RAPGEF5: variants seen among roughly 807,000 people sequenced by gnomAD.
The protein encoded by RAPGEF5 is M-Ras-regulated GEF.
A neutral mutation model predicts 125.2 loss-of-function variants in RAPGEF5; 65 were observed. The ratio of observed to expected loss-of-function variants is 0.52; its 90% confidence interval spans 0.43 to 0.64. The LOEUF is 0.64. Among genes scored for constraint, RAPGEF5 ranks in the 30% least tolerant of loss-of-function variants. The probability of loss-of-function intolerance (pLI) is 0.00; values close to 1 mark genes in which losing one functional copy is unlikely to be tolerated. For synonymous variants in RAPGEF5, 391 were observed against 385.9 expected, an observed-to-expected ratio of 1.01 and a Z score of -0.16; for missense variants, 958 against 1,048.1, an observed-to-expected ratio of 0.91 and a Z score of 1.19.
chr7:22,230,699 T>A (rs1016330796), intron 8 of RAPGEF5, 147 bp downstream of exon 8: 41 of 687,062 alleles, frequency 6.0e-5, no homozygotes, highest in Non-Finnish European at 9.8e-5. Context: ...AATACCTTTA[T>A]ATCAAAACTG....
At chr7:22,309,907 T>C (rs1334535416) in intron 4 of RAPGEF5, 62 bp downstream of exon 4, 1 of 1,472,774 alleles carries the variant, frequency 6.8e-7, no homozygotes, top group South Asian at 1.4e-5. Flanking sequence ...GAAAATCAAG[T>C]GTATTTTCAT....
intron 7 of RAPGEF5, among the ~76,000 whole-genome samples, chr7:22,241,283 C>T (rs573179769): frequency 1.8e-4 from 27 of 152,200 alleles, no homozygotes; most frequent in African/African-American, 6.5e-4. Context: ...GCCAAATCTT[C>T]CCAGTAGACA....
chr7:22,346,945 A>G (rs1784234731), intron 1 of RAPGEF5, among the ~76,000 whole-genome samples: 1 of 152,200 alleles, frequency 6.6e-6, no homozygotes, highest in South Asian at 2.1e-4. Flanking sequence ...CCAACTCACT[A>G]TACAAATTAC....
chr7:22,278,985 G>C (rs1464248896), intron 6 of RAPGEF5, among the ~76,000 whole-genome samples: 4 of 152,064 alleles, frequency 2.6e-5, no homozygotes, highest in African/African-American at 9.7e-5. Context: ...TATGCACACA[G>C]ATCTCTTATA....
intron 7 of RAPGEF5, 69 bp downstream of exon 7, chr7:22,266,894 CT>C (rs1782295476): frequency 4.8e-6 from 7 of 1,461,092 alleles, no homozygotes; most frequent in Middle Eastern, 1.7e-4. Flanking sequence ...CAACTGCACA[CT>C]ACCAGATGAT....
chr7:22,231,803 T>C (rs967151515), intron 7 of RAPGEF5, among the ~76,000 whole-genome samples: 4 of 152,206 alleles, frequency 2.6e-5, no homozygotes, highest in Non-Finnish European at 5.9e-5. Context: ...GCAGGAGATG[T>C]GACATTCAAC....
At chr7:22,342,915 C>T (rs568852175) in intron 1 of RAPGEF5, among the ~76,000 whole-genome samples, 75 of 152,268 alleles carry the variant, frequency 4.9e-4, no homozygotes, top group African/African-American at 1.6e-3. Context: ...CCCTGCAAAC[C>T]GTTCCAACCT....
chr7:22,196,357 T>G (rs1357060958), intron 9 of RAPGEF5, among the ~76,000 whole-genome samples: 2 of 152,184 alleles, frequency 1.3e-5, no homozygotes, highest in African/African-American at 2.4e-5. Flanking sequence ...TTCTTGTGCT[T>G]GATTGGTTAA....
intron 11 of RAPGEF5, among the ~76,000 whole-genome samples, chr7:22,173,583 T>C (rs905546894): frequency 5.3e-5 from 8 of 152,222 alleles, no homozygotes; most frequent in Non-Finnish European, 1.2e-4. Context: ...CTTCAAATAA[T>C]CAAATCTGTT....
At chr7:22,133,796 C>G (rs1782995737) in intron 23 of RAPGEF5, among the ~76,000 whole-genome samples, 1 of 152,144 alleles carries the variant, frequency 6.6e-6, no homozygotes, top group Admixed American at 6.5e-5. Flanking sequence ...CCCATTCGTC[C>G]CTTTCTGACC....
chr7:22,352,968 A>C (rs555851838), intron 1 of RAPGEF5, among the ~76,000 whole-genome samples: 2 of 152,216 alleles, frequency 1.3e-5, no homozygotes, highest in Non-Finnish European at 2.9e-5. Context: ...ACCTAAACTC[A>C]CGAATCAATC....
chr7:22,356,772 G>A (rs1784428476), intron 1 of RAPGEF5, 58 bp downstream of exon 1: 1 of 988,792 alleles, frequency 1.0e-6, no homozygotes, highest in Non-Finnish European at 1.3e-6. Context: ...CCGGGGGGTG[G>A]GCGCGGGCTC....
Position 22,169,695 on chromosome 7 carries a change from T to TAA in RAPGEF5, c.1205-2549_1205-2548dup, listed in dbSNP as rs34238182. 2.6e-3 allele frequency among the ~76,000 whole-genome samples: 331 copies of TAA among 127,136 alleles called. 1 individual carries two copies. The highest frequency in any genetic ancestry group is 8.7e-3 in the African/African-American group (288 of 33,192). 83.4% of individuals were successfully genotyped at this position (127,136 alleles called of 152,430 possible). On this transcript the variant is annotated intron_variant, in intron 11 of 25. Coordinates refer to ENST00000665637, the MANE Select transcript of RAPGEF5 (RefSeq NM_012294.5). The stretch of plus-strand genomic sequence containing the variant: ...CATTGCGAAACTCCATCTCTACTGT[T>TAA]AAAAAAAAAAAAAAAAAAGCTGGGT...
At chr7:22,215,074 A>G (rs1200764178) in intron 9 of RAPGEF5, among the ~76,000 whole-genome samples, 5 of 152,174 alleles carry the variant, frequency 3.3e-5, no homozygotes, top group Admixed American at 2.0e-4. Flanking sequence ...ACTGCAGGCA[A>G]ACAAATGCTG....
chr7:22,311,449 C>T (rs1480156305), intron 3 of RAPGEF5, among the ~76,000 whole-genome samples: 3 of 152,124 alleles, frequency 2.0e-5, no homozygotes, highest in Non-Finnish European at 4.4e-5. Flanking sequence ...TTGTGATTGG[C>T]ATAGTTACAA....
Position 22,145,198 on chromosome 7 carries a change from T to C in RAPGEF5, c.2032A>G (p.Ser678Gly). Residue 678 changes from serine (S) to glycine (G), a missense_variant, in exon 20 of 26, where the codon AGC (serine) becomes GGC (glycine). Coordinates refer to ENST00000665637, the MANE Select transcript of RAPGEF5 (RefSeq NM_012294.5). ...GTGTGTTCCCCACTTCCCTGTCTGC[T>C]GAACGTGAAGTAGATCAGCTCTTGC... Reference protein sequence around the residue: ...HEQELIYFTFSRQGSGEHTAN... With the variant: ...HEQELIYFTFGRQGSGEHTAN... 6.2e-7 allele frequency: 1 copy of C among 1,612,878 alleles called. No individual in the cohort carries two copies. The highest frequency in any genetic ancestry group is 1.1e-5 in the South Asian group (1 of 90,694).
At chr7:22,352,744 C>CT (rs998233171) in intron 1 of RAPGEF5, among the ~76,000 whole-genome samples, 3 of 152,190 alleles carry the variant, frequency 2.0e-5, no homozygotes, top group African/African-American at 7.2e-5. Flanking sequence ...AAAATTAAGA[C>CT]TTTTCCCTGT....
At chr7:22,145,967 C>CGTGCGT (rs1554317374) in intron 19 of RAPGEF5, among the ~76,000 whole-genome samples, 13 of 143,970 alleles carry the variant, frequency 9.0e-5, no homozygotes, top group African/African-American at 3.3e-4. Context: ...TGTTTGTGTG[C>CGTGCGT]GTGTGTGTGT....
rs895181439 is a variant in RAPGEF5, at chr7:22,339,060, G to A, written c.231+17770C>T. Among the ~76,000 whole-genome samples, 9 of 152,160 alleles carry A rather than the reference G, an allele frequency of 5.9e-5. No homozygotes were observed. The East Asian group carries it at 9.6e-4, about 16-fold the overall frequency. On this transcript the variant is annotated intron_variant, in intron 1 of 25. Coordinates refer to ENST00000665637, the MANE Select transcript of RAPGEF5 (RefSeq NM_012294.5). Reference sequence around the variant, plus strand: ...AAGCATGCGCACTAAGAGGCAAAACGATGGAGTTTAACTGGTGTATGACCT... The same window carrying A: ...AAGCATGCGCACTAAGAGGCAAAACAATGGAGTTTAACTGGTGTATGACCT...
Sources: allele counts gnomAD v4.1 joint callset (sites outside exome capture counted in the v4.1 genomes callset), GRCh38; gene constraint gnomAD v4.1.1; transcripts MANE v1.5; gene names NCBI Gene and HGNC (gene_info 2026-07-23, HGNC 2026-07-21).